Variants in FAM222B observed in about 807,000 individuals in gnomAD.
FAM222B encodes family with sequence similarity 222 member B, also known as protein FAM222B.
FAM222B carries 12 observed loss-of-function variants against 38.0 expected under a neutral mutation model. The ratio of observed to expected loss-of-function variants is 0.32; its 90% CI spans 0.20 to 0.51. The LOEUF is 0.51. FAM222B is among the 20% of genes least tolerant of loss of function. FAM222B has a pLI of 0.97. For missense variants in FAM222B, 716 were observed against 754.2 expected, an observed-to-expected ratio of 0.95 and a Z score of 0.59; for synonymous variants, 329 against 317.2, an observed-to-expected ratio of 1.04 and a Z score of -0.40.
Position 28,758,351 on chromosome 17 carries a change from C to T in FAM222B, c.1608G>A (p.Lys536=). The T allele has an allele frequency of 6.2e-7, 1 of 1,613,276 alleles. No homozygotes were observed. The highest frequency in any genetic ancestry group is 1.1e-5 in the South Asian group (1 of 91,020). ...FREQSLAMLS[K]AHRAPGNRAP... ...CTCGGTTGCCAGGGGCTCGGTGGGC[C>T]TTGCTCAGCATGGCCAGGCTCTGTT... The change falls in exon 3 of 3, where the codon AAG becomes AAA. Residue 536 remains lysine (K), a synonymous_variant. Coordinates refer to ENST00000581407, the MANE Select transcript of FAM222B (RefSeq NM_001077498.3).
At chr17:28,837,419 G>C (rs558666558) in intron 1 of FAM222B, among the ~76,000 whole-genome samples, 52 of 147,254 alleles carry the variant, frequency 3.5e-4, no homozygotes, top group Admixed American at 3.2e-3. Flanking sequence ...GACCGAGGGA[G>C]ACTCCGTCTC....
At chr17:28,813,129 A>G (rs9909979) in intron 1 of FAM222B, among the ~76,000 whole-genome samples, 1 of 108,318 alleles carries the variant, frequency 9.2e-6, no homozygotes, top group African/African-American at 5.6e-5. Context: ...ATCAGACACA[A>G]AAAAAAAAAA....
rs940255276 is a variant in FAM222B, at chr17:28,834,820, TAAAAA to T, written c.-41+7857_-41+7861del. The T allele has an allele frequency of 4.8e-5, 7 of 146,782 alleles. No individual in the cohort carries two copies. In the Admixed American group the frequency reaches 4.8e-4, roughly 10 times the overall value. 9.1% of individuals were successfully genotyped at this position (146,782 alleles called of 1,614,324 possible). A position where few individuals can be genotyped will look rare whatever the true frequency, so the allele number is the denominator to read the frequency against. On this transcript the variant is annotated intron_variant, in intron 1 of 2. Coordinates refer to ENST00000581407, the MANE Select transcript of FAM222B (RefSeq NM_001077498.3). ...TCCCACTGCTTCACTTGGCTAGCCT[TAAAAA>T]AAAAGAAAAAAAGAAAAAAAAAAAG...
At chr17:28,805,088 A>AT (rs1446770546) in intron 1 of FAM222B, among the ~76,000 whole-genome samples, 5 of 150,612 alleles carry the variant, frequency 3.3e-5, no homozygotes, top group African/African-American at 1.2e-4. Context: ...TCTGGACATG[A>AT]TAGCTCATGG....
At chr17:28,794,519 C>A (rs1341778277) in intron 1 of FAM222B, among the ~76,000 whole-genome samples, 1 of 152,014 alleles carries the variant, frequency 6.6e-6, no homozygotes, top group African/African-American at 2.4e-5. Context: ...AGTGCCCGGC[C>A]TGTCTTTTGC....
chr17:28,781,370 T>A (rs1030265244), intron 1 of FAM222B, among the ~76,000 whole-genome samples: 9 of 150,870 alleles, frequency 6.0e-5, no homozygotes, highest in East Asian at 3.9e-4. Context: ...GCTATTAAAA[T>A]ATATATATAT....
chr17:28,794,573 GAAGT>G (rs1372813301), intron 1 of FAM222B, among the ~76,000 whole-genome samples: 1 of 151,962 alleles, frequency 6.6e-6, no homozygotes, highest in East Asian at 1.9e-4. Context: ...AACATTTTAA[GAAGT>G]AACAAAAAAA....
Position 28,821,104 on chromosome 17 carries a change from C to T in FAM222B, c.-41+21578G>A, listed in dbSNP as rs1368635761. On this transcript the variant is annotated intron_variant, in intron 1 of 2. Coordinates refer to ENST00000581407, the MANE Select transcript of FAM222B (RefSeq NM_001077498.3). ...CCAAGTAGCTGGGACTACAGGCACG[C>T]GCCACCACACCCAGCTAATTTTTAT... 5.9e-5 allele frequency among the ~76,000 whole-genome samples: 9 copies of T among 151,452 alleles called. No individual in the cohort carries two copies. The South Asian group carries it at 6.3e-4, about 11-fold the overall frequency.
intron 1 of FAM222B, among the ~76,000 whole-genome samples, chr17:28,803,018 T>C (rs575495839): frequency 3.3e-4 from 50 of 152,038 alleles, no homozygotes; most frequent in African/African-American, 1.0e-3. Flanking sequence ...GCTTTTTCTT[T>C]TTTTTTTTGA....
intron 1 of FAM222B, among the ~76,000 whole-genome samples, chr17:28,794,490 G>A (rs926507779): frequency 6.6e-5 from 10 of 151,982 alleles, no homozygotes; most frequent in African/African-American, 2.4e-4. Flanking sequence ...AAAGTGCTGG[G>A]ATTACAGGCA....
chr17:28,777,864 C>T (rs1012635942), intron 1 of FAM222B, among the ~76,000 whole-genome samples: 1 of 151,926 alleles, frequency 6.6e-6, no homozygotes, highest in Non-Finnish European at 1.5e-5. Context: ...TCTTGGCTCA[C>T]TGTAGCCTTG....
chr17:28,833,347 T>C (rs1239537424), intron 1 of FAM222B, among the ~76,000 whole-genome samples: 2 of 149,550 alleles, frequency 1.3e-5, no homozygotes, highest in Non-Finnish European at 3.0e-5. Flanking sequence ...CTGGGCATGG[T>C]GGCTCATGCC....
chr17:28,824,670 T>C (rs1373757899), intron 1 of FAM222B, among the ~76,000 whole-genome samples: 1 of 152,204 alleles, frequency 6.6e-6, no homozygotes, highest in African/African-American at 2.4e-5. Context: ...ATGCCAAATC[T>C]GTCATCTTTC....
At chr17:28,828,725 G>C (rs961079422) in intron 1 of FAM222B, among the ~76,000 whole-genome samples, 1 of 152,002 alleles carries the variant, frequency 6.6e-6, no homozygotes. Context: ...TACATTTCTG[G>C]AATTAGTCTT....
At chr17:28,852,833 G>A (rs1412815175) in intron 1 of FAM222B, among the ~76,000 whole-genome samples, 11 of 152,070 alleles carry the variant, frequency 7.2e-5, no homozygotes, top group Non-Finnish European at 1.6e-4. Flanking sequence ...CAAGGCAGAG[G>A]ATCACTTGAG....
At chr17:28,787,782 T>G (rs986679572) in intron 1 of FAM222B, among the ~76,000 whole-genome samples, 1 of 151,848 alleles carries the variant, frequency 6.6e-6, no homozygotes, top group African/African-American at 2.4e-5. Context: ...GCTTCCTCAT[T>G]TCAGGAACTG....
intron 1 of FAM222B, among the ~76,000 whole-genome samples, chr17:28,819,004 A>C (rs1048555619): frequency 1.3e-5 from 2 of 152,210 alleles, no homozygotes; most frequent in African/African-American, 4.8e-5. Context: ...ACAATCCTAT[A>C]ATCTGTCAGA....
At chr17:28,834,272 T>A (rs1403107596) in intron 1 of FAM222B, 1 of 152,200 alleles carries the variant, frequency 6.6e-6, no homozygotes, top group East Asian at 1.9e-4. Context: ...ACTTAAATAG[T>A]GATCTAAACA....
chr17:28,779,567 C>T (rs1250988503), intron 1 of FAM222B, among the ~76,000 whole-genome samples: 2 of 151,764 alleles, frequency 1.3e-5, no homozygotes, highest in African/African-American at 4.8e-5. Context: ...CTGGCTAACA[C>T]GGTGAAACCC....
Sources: allele counts gnomAD v4.1 joint callset (sites outside exome capture counted in the v4.1 genomes callset), GRCh38; gene constraint gnomAD v4.1.1; transcripts MANE v1.5; gene names NCBI Gene and HGNC (gene_info 2026-07-23, HGNC 2026-07-21).